FOXP1: variants seen among roughly 807,000 people sequenced by gnomAD.
FOXP1 encodes the protein forkhead box P1, also known as forkhead box protein P1.
A neutral mutation model predicts 98.2 loss-of-function variants in FOXP1; 15 were observed. The ratio of observed to expected loss-of-function variants is 0.15; its 90% CI spans 0.10 to 0.24. FOXP1 has a LOEUF of 0.24. Among genes scored for constraint, FOXP1 ranks in the 10% least tolerant of loss-of-function variants. FOXP1 has a pLI of 1.00. For synonymous variants in FOXP1, 371 were observed against 314.5 expected (o/e 1.18, Z -1.90); for missense variants, 633 against 848.5 (o/e 0.75, Z 3.15).
In FOXP1 at chr3:70,955,563, T is replaced by C. The variant is rs1347042028; in HGVS notation, c.*3684A>G. On this transcript the variant is annotated 3_prime_UTR_variant, in exon 21 of 21. Transcript: ENST00000649528. Reference sequence around the variant, plus strand: ...CAGATTTTCTTTACATCTTGGCACCTTGTAAAGTTTTTTTTTTTTTATACA... The same window carrying C: ...CAGATTTTCTTTACATCTTGGCACCCTGTAAAGTTTTTTTTTTTTTATACA... 2 of 226,598 alleles carry C rather than the reference T, an allele frequency of 8.8e-6. No individual in the cohort carries two copies. The highest frequency in any genetic ancestry group is 5.7e-5 in the Admixed American group (1 of 17,564). 14.0% of individuals were successfully genotyped at this position (226,598 alleles called of 1,614,324 possible).
chr3:71,196,478 T>A (rs1387687497), intron 6 of FOXP1, among the ~76,000 whole-genome samples: 1 of 152,058 alleles, frequency 6.6e-6, no homozygotes, highest in Admixed American at 6.5e-5. Flanking sequence ...TCAAAAAAAA[T>A]CAGAATTTCC....
At chr3:71,553,563 G>A (rs1015008556) in intron 2 of FOXP1, among the ~76,000 whole-genome samples, 1 of 152,088 alleles carries the variant, frequency 6.6e-6, no homozygotes, top group Non-Finnish European at 1.5e-5. Context: ...TGGTAATATT[G>A]TCCTGTTTGC....
chr3:71,070,969 G>C (rs915072968), intron 7 of FOXP1, among the ~76,000 whole-genome samples: 1 of 152,152 alleles, frequency 6.6e-6, no homozygotes. Context: ...GCCGGCACAG[G>C]GCTGTGGAAT....
At chr3:71,408,808 T>C (rs1560442920) in intron 3 of FOXP1, among the ~76,000 whole-genome samples, 1 of 152,176 alleles carries the variant, frequency 6.6e-6, no homozygotes, top group Non-Finnish European at 1.5e-5. Context: ...TTCTAATTAC[T>C]AGGATGAGAC....
At chr3:71,557,564 G>A (rs1300504120) in intron 2 of FOXP1, among the ~76,000 whole-genome samples, 1 of 152,194 alleles carries the variant, frequency 6.6e-6, no homozygotes, top group East Asian at 1.9e-4. Context: ...GACACAAGAG[G>A]AAGGCAGCTC....
intron 4 of FOXP1, among the ~76,000 whole-genome samples, chr3:71,308,787 GT>G (rs1560283133): frequency 6.6e-6 from 1 of 151,188 alleles, no homozygotes; most frequent in Non-Finnish European, 1.5e-5. Flanking sequence ...GTGTGTGTGT[GT>G]GTGTGTGTGT....
chr3:71,057,990 C>A (rs1426268962), intron 7 of FOXP1, among the ~76,000 whole-genome samples: 1 of 152,200 alleles, frequency 6.6e-6, no homozygotes. Flanking sequence ...GACTCTCTAT[C>A]ATCTGAATGC....
intron 2 of FOXP1, among the ~76,000 whole-genome samples, chr3:71,494,877 T>A (rs1311587160): frequency 1.4e-5 from 2 of 143,048 alleles, no homozygotes; most frequent in African/African-American, 5.3e-5. Context: ...CTTCCAAGGC[T>A]CAGACATGCT....
chr3:71,122,056 T>C (rs1355757277), intron 6 of FOXP1, among the ~76,000 whole-genome samples: 1 of 152,240 alleles, frequency 6.6e-6, no homozygotes, highest in Non-Finnish European at 1.5e-5. Flanking sequence ...TTTTGAAGCT[T>C]GTGGAAGAAT....
chr3:71,427,113 T>C (rs1159384031), intron 3 of FOXP1, among the ~76,000 whole-genome samples: 1 of 151,442 alleles, frequency 6.6e-6, no homozygotes, highest in Non-Finnish European at 1.5e-5. Context: ...ATCACCCCAA[T>C]TTATGCTTTT....
At chr3:71,504,509 C>T (rs1326683299) in intron 2 of FOXP1, among the ~76,000 whole-genome samples, 2 of 152,136 alleles carry the variant, frequency 1.3e-5, no homozygotes, top group Non-Finnish European at 2.9e-5. Flanking sequence ...AGAATAACTT[C>T]CAGACAATTC....
At chr3:71,014,051 G>A (rs538048043) in intron 12 of FOXP1, among the ~76,000 whole-genome samples, 2 of 152,234 alleles carry the variant, frequency 1.3e-5, no homozygotes, top group East Asian at 3.9e-4. Flanking sequence ...AAAATCCCTA[G>A]AAAAAGAAAA....
intron 2 of FOXP1, chr3:71,542,110 G>A (rs780788222): frequency 1.6e-5 from 8 of 488,928 alleles, no homozygotes; most frequent in Non-Finnish European, 2.1e-5. Flanking sequence ...AAGCAGAAAT[G>A]CAGCATTAAA....
chr3:71,079,548 G>C (rs932833737), intron 7 of FOXP1, among the ~76,000 whole-genome samples: 1 of 152,160 alleles, frequency 6.6e-6, no homozygotes, highest in African/African-American at 2.4e-5. Context: ...ATTCATCTGA[G>C]AGATATTGTG....
chr3:71,406,123 C>T (rs893089126), intron 3 of FOXP1, among the ~76,000 whole-genome samples: 2 of 152,084 alleles, frequency 1.3e-5, no homozygotes, highest in African/African-American at 4.8e-5. Flanking sequence ...GCACGTGGTC[C>T]TTCCCCGATG....
intron 5 of FOXP1, among the ~76,000 whole-genome samples, chr3:71,283,291 C>T (rs2071759006): frequency 6.6e-6 from 1 of 152,022 alleles, no homozygotes; most frequent in Non-Finnish European, 1.5e-5. Context: ...TACTCCGGAG[C>T]CCCACCCCCA....
intron 5 of FOXP1, among the ~76,000 whole-genome samples, chr3:71,273,140 G>C (rs2070549666): frequency 6.6e-6 from 1 of 152,196 alleles, no homozygotes; most frequent in East Asian, 1.9e-4. Context: ...TCTGGTCCTT[G>C]TGCGTCCCAT....
At chr3:71,282,806 G>T (rs1432218165) in intron 5 of FOXP1, among the ~76,000 whole-genome samples, 1 of 152,118 alleles carries the variant, frequency 6.6e-6, no homozygotes, top group African/African-American at 2.4e-5. Flanking sequence ...ACAATTAACT[G>T]AAAGTATTCA....
chr3:70,962,177 C>T (rs2106925274), intron 20 of FOXP1, among the ~76,000 whole-genome samples: 2 of 152,276 alleles, frequency 1.3e-5, no homozygotes, highest in South Asian at 4.1e-4. Flanking sequence ...CCTAGCTTTA[C>T]AATTTATAAT....
Sources: gnomAD v4.1 joint callset for allele counts (sites outside exome capture counted in the v4.1 genomes callset) on GRCh38, gnomAD v4.1.1 for gene constraint, MANE v1.5 for transcripts, NCBI Gene and HGNC (gene_info 2026-07-23, HGNC 2026-07-21) for gene names.